WDR25: variants seen among roughly 807,000 people sequenced by gnomAD.
WDR25 encodes the protein WD repeat domain 25, also known as WD repeat-containing protein 25.
WDR25 carries 35 observed loss-of-function variants against 47.7 expected under a neutral mutation model. That is an observed-to-expected ratio of 0.73 (90% CI 0.56 to 0.97). The LOEUF (loss-of-function observed/expected upper bound fraction) is 0.97. Among genes scored for constraint, WDR25 ranks in the 50% least tolerant of loss-of-function variants. The pLI, the probability that WDR25 is intolerant of heterozygous loss-of-function variation, is 0.00. For synonymous variants in WDR25, 248 were observed against 278.9 expected (o/e 0.89, Z 1.10); for missense variants, 634 against 704.7 (o/e 0.90, Z 1.14).
At chr14:100,383,034 G>A (rs1477496029) in intron 2 of WDR25, among the ~76,000 whole-genome samples, 1 of 152,206 alleles carries the variant, frequency 6.6e-6, no homozygotes, top group Non-Finnish European at 1.5e-5. Flanking sequence ...TACATTTTGA[G>A]CTTTTCTCCC....
At chr14:100,437,929 C>T (rs1017283975) in intron 2 of WDR25, among the ~76,000 whole-genome samples, 1 of 152,142 alleles carries the variant, frequency 6.6e-6, no homozygotes, top group African/African-American at 2.4e-5. Flanking sequence ...ATCCTTTTTT[C>T]TCCTGACACA....
intron 2 of WDR25, among the ~76,000 whole-genome samples, chr14:100,437,481 C>G (rs916778873): frequency 2.0e-5 from 3 of 152,164 alleles, no homozygotes; most frequent in Non-Finnish European, 4.4e-5. Flanking sequence ...TTGGCACTTA[C>G]TAGCTGTGTG....
At chr14:100,429,057 G>A (rs996568917) in intron 2 of WDR25, among the ~76,000 whole-genome samples, 12 of 152,140 alleles carry the variant, frequency 7.9e-5, no homozygotes, top group African/African-American at 2.2e-4. Context: ...GTAGATACTC[G>A]TTTGTAACAT....
Position 100,430,349 on chromosome 14 carries a change from T to C in WDR25, c.823-37672T>C, listed in dbSNP as rs1206672536. ...GGGGAAATGGAGGAATTGTGACATT[T>C]GCCCTAGGTGATGGGGTGCTGCTAC... is the stretch of plus-strand genomic sequence containing the variant. On this transcript the variant is annotated intron_variant, in intron 2 of 6. Coordinates refer to ENST00000402312, the MANE Select transcript of WDR25 (RefSeq NM_001161476.3). This position sits in a 1 kb window ranked among gnomAD's most constrained non-coding sequence, Gnocchi z 4.7. Among the ~76,000 whole-genome samples, 1 of 152,152 alleles carries C rather than the reference T, an allele frequency of 6.6e-6. No individual in the cohort carries two copies. Among genetic ancestry groups the C allele is most frequent in the Non-Finnish European group, 1.5e-5 (1 of 68,026 alleles).
At chr14:100,479,713 C>A (rs1019220224) in intron 3 of WDR25, among the ~76,000 whole-genome samples, 1 of 152,150 alleles carries the variant, frequency 6.6e-6, no homozygotes, top group Non-Finnish European at 1.5e-5. Flanking sequence ...CAACAGGGAT[C>A]CCCAACCCCT....
intron 3 of WDR25, among the ~76,000 whole-genome samples, chr14:100,477,877 G>T (rs1000401363): frequency 3.3e-5 from 5 of 152,238 alleles, no homozygotes; most frequent in Non-Finnish European, 5.9e-5. Flanking sequence ...GGATCACAAG[G>T]TCAGGAGATT....
rs199882869 is a variant in WDR25 at position 100,467,982 on chromosome 14, C to T, written c.823-39C>T. 2.7e-4 allele frequency: 429 copies of T among 1,610,588 alleles called. No homozygotes were observed. In the African/African-American group the frequency reaches 3.1e-3, roughly 12 times the overall value. ...CGAGCTGAGCCCTGGAGATCAGGCC[C>T]TTGTTGTGACACCTGGTGCTGTCTG... is the stretch of plus-strand genomic sequence containing the variant. On this transcript the variant is annotated intron_variant, in intron 2 of 6. Coordinates refer to ENST00000402312, the MANE Select transcript of WDR25 (RefSeq NM_001161476.3).
At chr14:100,393,218 C>A (rs967026243) in intron 2 of WDR25, among the ~76,000 whole-genome samples, 1 of 152,232 alleles carries the variant, frequency 6.6e-6, no homozygotes, top group Admixed American at 6.5e-5. Context: ...TCTCCCTACT[C>A]ACAGTGTATT....
Position 100,523,253 on chromosome 14 carries a change from A to G in WDR25, c.1102-2617A>G, listed in dbSNP as rs1048456115. 5.3e-5 allele frequency among the ~76,000 whole-genome samples: 8 copies of G among 152,254 alleles called. No homozygotes were observed. The highest frequency in any genetic ancestry group is 1.9e-4 in the African/African-American group (8 of 41,458). ...ACCCAGTGCTAGCCAAGGGTGACCCAGAAATGTGGGCAGCAGGGCGTCTGT... is the reference window on the plus strand; with the variant it reads ...ACCCAGTGCTAGCCAAGGGTGACCCGGAAATGTGGGCAGCAGGGCGTCTGT... On this transcript the variant is annotated intron_variant, in intron 4 of 6. Coordinates refer to ENST00000402312, the MANE Select transcript of WDR25 (RefSeq NM_001161476.3). This position sits in a 1 kb window ranked among gnomAD's most constrained non-coding sequence, Gnocchi z 4.7.
chr14:100,446,059 C>T (rs967804080), intron 2 of WDR25, among the ~76,000 whole-genome samples: 1 of 152,172 alleles, frequency 6.6e-6, no homozygotes, highest in African/African-American at 2.4e-5. Flanking sequence ...GTGTTTGCCC[C>T]AGATATTATA....
chr14:100,458,023 G>C (rs1234872043), intron 2 of WDR25, among the ~76,000 whole-genome samples: 1 of 152,100 alleles, frequency 6.6e-6, no homozygotes, highest in Non-Finnish European at 1.5e-5. Context: ...GAACAGATGG[G>C]ATAAAAACAA....
rs61706956 is a variant in WDR25 at position 100,459,894 on chromosome 14, GTATATATATATATATATATA to G, written c.823-8100_823-8081del. ...TATATATCCGTATATGTGTGTGTGT[GTATATATATATATATATATA>G]TATATATATATATATATATATATAT... On this transcript the variant is annotated intron_variant, in intron 2 of 6. Transcript: ENST00000402312. Among the ~76,000 whole-genome samples the G allele has an allele frequency of 2.8e-3, 216 of 78,286 alleles. 5 individuals carry two copies. The highest frequency in any genetic ancestry group is 0.012 in the South Asian group (20 of 1,646). The allele number at this position is 78,286 out of a possible 152,430, so 51.4% of individuals were successfully genotyped here.
intron 4 of WDR25, among the ~76,000 whole-genome samples, chr14:100,511,839 C>T (rs1030094661): frequency 1.3e-5 from 2 of 152,080 alleles, no homozygotes; most frequent in Admixed American, 1.3e-4. Flanking sequence ...TTGTTAAATG[C>T]CTTTTCCCAT....
intron 2 of WDR25, among the ~76,000 whole-genome samples, chr14:100,395,796 A>G (rs1897245224): frequency 6.6e-6 from 1 of 152,054 alleles, no homozygotes; most frequent in Non-Finnish European, 1.5e-5. Flanking sequence ...TTTGGGATGT[A>G]GAGAATCTTG....
rs73349420 is a variant in WDR25, at chr14:100,448,582, T to C, written c.823-19439T>C. Among the ~76,000 whole-genome samples, 753 of 152,256 alleles carry C rather than the reference T, an allele frequency of 4.9e-3. 10 individuals are homozygous for C. Among genetic ancestry groups the C allele is most frequent in the African/African-American group, 0.017 (708 of 41,546 alleles). ...CATCTGTATAGTGGCCCAGTTACAC[T>C]ATCTCAGAGGAGTGAGGGTCACTGC... On this transcript the variant is annotated intron_variant, in intron 2 of 6. Transcript: ENST00000402312.
At chr14:100,426,325 C>T (rs139995505) in intron 2 of WDR25, among the ~76,000 whole-genome samples, 163 of 152,320 alleles carry the variant, frequency 1.1e-3, no homozygotes, top group African/African-American at 3.8e-3. Context: ...GCTTCCAACT[C>T]GGAAGAGTTA....
At position 100,440,773 on chromosome 14, in the gene WDR25, A is replaced by G. The variant is rs973177309; in HGVS notation, c.823-27248A>G. Reference sequence around the variant, plus strand: ...TACTTCTGATTATTTACGAAGGGACAGGCCGGGGGAGGTAACCACCTCGAT... The same window carrying G: ...TACTTCTGATTATTTACGAAGGGACGGGCCGGGGGAGGTAACCACCTCGAT... On this transcript the variant is annotated intron_variant, in intron 2 of 6. Coordinates refer to ENST00000402312, the MANE Select transcript of WDR25 (RefSeq NM_001161476.3). This position sits in a 1 kb window ranked among gnomAD's most constrained non-coding sequence, Gnocchi z 4.4. Among the ~76,000 whole-genome samples the G allele has an allele frequency of 3.3e-5, 5 of 152,372 alleles. 1 individual carries two copies. Among genetic ancestry groups the G allele is most frequent in the Non-Finnish European group, 7.3e-5 (5 of 68,028 alleles).
chr14:100,510,737 AAATAAT>A (rs556858291), intron 4 of WDR25, among the ~76,000 whole-genome samples: 2,790 of 146,978 alleles, frequency 0.019, 99 homozygotes, highest in African/African-American at 0.068. Flanking sequence ...CACCATCTCA[AAATAAT>A]AATAATAATA....
intron 2 of WDR25, among the ~76,000 whole-genome samples, chr14:100,395,201 T>C (rs1897231004): frequency 6.6e-6 from 1 of 152,184 alleles, no homozygotes; most frequent in African/African-American, 2.4e-5. Context: ...CTCAGCTGGG[T>C]AATCATCAGA....
Sources: allele counts gnomAD v4.1 joint callset (sites outside exome capture counted in the v4.1 genomes callset), GRCh38; gene constraint gnomAD v4.1.1; non-coding constraint Gnocchi (gnomAD v3.1); transcripts MANE v1.5; gene names NCBI Gene and HGNC (gene_info 2026-07-23, HGNC 2026-07-21).